The following PPP1R1C variants were observed in gnomAD, a reference collection of about 807,000 sequenced individuals.
PPP1R1C encodes the protein protein phosphatase 1 regulatory subunit 1C.
PPP1R1C carries 15 observed loss-of-function variants against 17.4 expected under a neutral mutation model. The observed-to-expected ratio is 0.86, with a 90% CI of 0.58 to 1.33. The LOEUF is 1.33. Among genes scored for constraint, PPP1R1C ranks in the 40% most tolerant of loss-of-function variants. The probability of loss-of-function intolerance (pLI) is 0.00; values close to 1 mark genes in which losing one functional copy is unlikely to be tolerated. For synonymous variants in PPP1R1C, 35 were observed against 43.1 expected (o/e 0.81, Z 0.73); for missense variants, 143 against 130.0 (o/e 1.10, Z -0.48).
downstream of PPP1R1C, among the ~76,000 whole-genome samples, chr2:182,122,600 C>G (rs992856563): frequency 5.9e-5 from 9 of 152,046 alleles, no homozygotes; most frequent in African/African-American, 2.2e-4. Context: ...TAGCTAACCA[C>G]TTTGGCTCTG....
chr2:182,128,019 A>G (rs1387112697), intron 5 of PPP1R1C, among the ~76,000 whole-genome samples: 1 of 152,110 alleles, frequency 6.6e-6, no homozygotes, highest in Non-Finnish European at 1.5e-5. Flanking sequence ...TGTTTTTCAT[A>G]GGATTATTTG....
At chr2:182,048,470 T>C (rs752689198) in intron 2 of PPP1R1C, among the ~76,000 whole-genome samples, 4 of 152,258 alleles carry the variant, frequency 2.6e-5, no homozygotes, top group Non-Finnish European at 5.9e-5. Context: ...AAAGAAATTA[T>C]AATTCTAATC....
intron 2 of PPP1R1C, among the ~76,000 whole-genome samples, chr2:181,998,593 C>T (rs1251481127): frequency 6.6e-6 from 1 of 152,158 alleles, no homozygotes; most frequent in Admixed American, 6.5e-5. Context: ...AGGAAACGAA[C>T]AGAAGAAAGG....
rs576342785 is a variant in PPP1R1C, at chr2:182,115,628, G to T, written c.242-1579G>T. On this transcript the variant is annotated intron_variant, in intron 4 of 4. Coordinates refer to ENST00000682840, the MANE Select transcript of PPP1R1C (RefSeq NM_001080545.3). The stretch of plus-strand genomic sequence containing the variant: ...CAGGTAATTTATGATAATGTGAAGT[G>T]AATTCCATGTCTTAGCAACAAATTT... Among the ~76,000 whole-genome samples, 3 of 152,212 alleles carry T rather than the reference G, an allele frequency of 2.0e-5. No homozygotes were observed. The South Asian group carries it at 6.2e-4, about 32-fold the overall frequency.
intron 2 of PPP1R1C, among the ~76,000 whole-genome samples, chr2:181,992,008 T>C (rs980638719): frequency 7.2e-5 from 11 of 152,224 alleles, no homozygotes; most frequent in Non-Finnish European, 1.6e-4. Flanking sequence ...ATGTCTTAAG[T>C]AGACTTATGA....
chr2:182,016,850 A>T (rs772393872), intron 2 of PPP1R1C, among the ~76,000 whole-genome samples: 3 of 152,186 alleles, frequency 2.0e-5, no homozygotes, highest in Non-Finnish European at 4.4e-5. Flanking sequence ...TTAGCAACTT[A>T]AAAGTGGTTA....
chr2:181,971,191 G>C (rs964490358), intron 1 of PPP1R1C, among the ~76,000 whole-genome samples: 7 of 152,164 alleles, frequency 4.6e-5, no homozygotes, highest in Non-Finnish European at 7.4e-5. Context: ...CACACCTGAA[G>C]CCAGCACATC....
Position 182,039,466 on chromosome 2 carries a change from C to T in PPP1R1C, c.143-21976C>T, listed in dbSNP as rs888358114. The stretch of plus-strand genomic sequence containing the variant: ...GTGGTATGATCATGGCTCACTGCAG[C>T]CTTGACCTCCCCGACTCAGGTAATT... On this transcript the variant is annotated intron_variant, in intron 2 of 4. Coordinates refer to ENST00000682840, the MANE Select transcript of PPP1R1C (RefSeq NM_001080545.3). 3.9e-5 allele frequency among the ~76,000 whole-genome samples: 6 copies of T among 152,232 alleles called. No homozygotes were observed. In the East Asian group the frequency reaches 5.8e-4, roughly 15 times the overall value.
chr2:182,078,691 G>A (rs1056774377), intron 4 of PPP1R1C, among the ~76,000 whole-genome samples: 2 of 152,158 alleles, frequency 1.3e-5, no homozygotes, highest in Non-Finnish European at 2.9e-5. Flanking sequence ...ATTCAAATCT[G>A]TGTCGTCTTC....
chr2:182,114,714 C>T (rs141163830), intron 4 of PPP1R1C, among the ~76,000 whole-genome samples: 10 of 152,260 alleles, frequency 6.6e-5, no homozygotes, highest in African/African-American at 2.4e-4. Flanking sequence ...TCACCTGCTC[C>T]TGCCTCATCA....
intron 2 of PPP1R1C, among the ~76,000 whole-genome samples, chr2:182,054,444 CCTT>C (rs1169011437): frequency 6.6e-6 from 1 of 152,164 alleles, no homozygotes; most frequent in Non-Finnish European, 1.5e-5. Context: ...TATACTCACT[CCTT>C]CCTCCTCTCA....
intron 2 of PPP1R1C, among the ~76,000 whole-genome samples, chr2:182,054,334 T>A (rs1040649270): frequency 1.3e-5 from 2 of 152,212 alleles, no homozygotes; most frequent in African/African-American, 2.4e-5. Flanking sequence ...TATAGTTTTA[T>A]GGCATTTTAT....
At chr2:182,103,895 T>C (rs1689173644) in intron 4 of PPP1R1C, 1 of 152,134 alleles carries the variant, frequency 6.6e-6, no homozygotes, top group African/African-American at 2.4e-5. Context: ...TCATCAGGAT[T>C]CACACTTTCG....
chr2:182,013,125 TG>T (rs993431854), intron 2 of PPP1R1C, among the ~76,000 whole-genome samples: 3 of 152,146 alleles, frequency 2.0e-5, no homozygotes, highest in African/African-American at 7.2e-5. Context: ...CAGTAAGTTT[TG>T]TACCTTCAGA....
chr2:182,023,638 AAGAC>A (rs1686500758), intron 2 of PPP1R1C, among the ~76,000 whole-genome samples: 1 of 151,912 alleles, frequency 6.6e-6, no homozygotes, highest in South Asian at 2.1e-4. Context: ...ATTTTTTTTT[AAGAC>A]AGGATTTTCC....
At chr2:182,131,103 T>A (rs1262900029), downstream of PPP1R1C, 1 of 152,200 alleles carries the variant, frequency 6.6e-6, no homozygotes, top group Admixed American at 6.5e-5. Context: ...TAGAAGATAA[T>A]TTAATGCAAT....
intron 4 of PPP1R1C, among the ~76,000 whole-genome samples, chr2:182,095,433 T>G (rs1688904549): frequency 6.6e-6 from 1 of 152,246 alleles, no homozygotes; most frequent in Non-Finnish European, 1.5e-5. Flanking sequence ...AGTAAGAAGA[T>G]GTAGCCATAT....
chr2:182,047,088 TC>T (rs1687370031), intron 2 of PPP1R1C, among the ~76,000 whole-genome samples: 1 of 152,324 alleles, frequency 6.6e-6, no homozygotes, highest in African/African-American at 2.4e-5. Context: ...TCTCAAAATT[TC>T]CTGTCATCAT....
At chr2:182,003,187 C>T (rs995770404) in intron 2 of PPP1R1C, among the ~76,000 whole-genome samples, 9 of 152,140 alleles carry the variant, frequency 5.9e-5, no homozygotes, top group East Asian at 5.8e-4. Flanking sequence ...TTGAGATCTG[C>T]TCTGCATAAT....
Sources: allele counts gnomAD v4.1 joint callset (sites outside exome capture counted in the v4.1 genomes callset), GRCh38; gene constraint gnomAD v4.1.1; transcripts MANE v1.5; gene names NCBI Gene and HGNC (gene_info 2026-07-23, HGNC 2026-07-21).